PPARGC1A: variants seen among roughly 807,000 people sequenced by gnomAD.
The protein encoded by PPARGC1A is peroxisome proliferator-activated receptor gamma coactivator 1-alpha.
Under a neutral mutation model 88.7 loss-of-function variants are expected in PPARGC1A, and 25 were observed. The observed-to-expected ratio is 0.28, with a 90% CI of 0.21 to 0.39. The LOEUF is 0.39. PPARGC1A is among the 10% of genes least tolerant of loss of function. The pLI, the probability that PPARGC1A is intolerant of heterozygous loss-of-function variation, is 1.00. For synonymous variants in PPARGC1A, 363 were observed against 355.6 expected, an observed-to-expected ratio of 1.02 and a Z score of -0.24; for missense variants, 880 against 968.7, an observed-to-expected ratio of 0.91 and a Z score of 1.22.
chr4:24,091,928 T>TACGC, the PPARGC1A span, among the ~76,000 whole-genome samples: 9 of 147,750 alleles, frequency 6.1e-5, 1 homozygote, highest in Admixed American at 6.1e-4. Context: ...CTTGCCCCAA[T>TACGC]ACACACACAC....
the PPARGC1A span, among the ~76,000 whole-genome samples, chr4:24,277,431 C>A: frequency 6.6e-6 from 1 of 152,242 alleles, no homozygotes; most frequent in South Asian, 2.1e-4. Context: ...TGTCTCACTC[C>A]TCTTCTTGCC....
At chr4:24,295,944 G>A in the PPARGC1A span, among the ~76,000 whole-genome samples, 18 of 150,174 alleles carry the variant, frequency 1.2e-4, no homozygotes, top group South Asian at 2.3e-3. Context: ...CTGAGATGCC[G>A]GTATTATTTA....
At chr4:24,143,592 C>T in the PPARGC1A span, among the ~76,000 whole-genome samples, 1 of 151,162 alleles carries the variant, frequency 6.6e-6, no homozygotes, top group African/African-American at 2.5e-5. Context: ...ACATATTAGA[C>T]AGATAGATGG....
chr4:24,385,102 A>T, the PPARGC1A span, among the ~76,000 whole-genome samples: 19 of 152,344 alleles, frequency 1.2e-4, no homozygotes, highest in African/African-American at 4.6e-4. Flanking sequence ...AAACTGCACA[A>T]CTACATGGAA....
the PPARGC1A span, among the ~76,000 whole-genome samples, chr4:24,455,937 A>T: frequency 6.6e-6 from 1 of 152,208 alleles, no homozygotes; most frequent in African/African-American, 2.4e-5. Context: ...GAACTAAGAT[A>T]ATTATCTAGC....
chr4:23,954,640 G>A, the PPARGC1A span, among the ~76,000 whole-genome samples: 1 of 152,004 alleles, frequency 6.6e-6, no homozygotes, highest in Non-Finnish European at 1.5e-5. Context: ...GGCAAACTAA[G>A]ATGGAGAATA....
the PPARGC1A span, among the ~76,000 whole-genome samples, chr4:24,108,899 AT>A: frequency 2.0e-5 from 3 of 152,100 alleles, no homozygotes; most frequent in Non-Finnish European, 4.4e-5. Flanking sequence ...GAAGAGGAAG[AT>A]TTAAAATACT....
the PPARGC1A span, among the ~76,000 whole-genome samples, chr4:24,337,810 A>G: frequency 6.6e-6 from 1 of 152,170 alleles, no homozygotes; most frequent in Non-Finnish European, 1.5e-5. Flanking sequence ...GGACTCATCA[A>G]GGGTCTACCA....
At chr4:23,881,228 A>G (rs1577640927) in intron 2 of PPARGC1A, 2 of 152,296 alleles carry the variant, frequency 1.3e-5, no homozygotes, top group South Asian at 4.1e-4. Flanking sequence ...TTCCTTACAC[A>G]TGGATCAGAT....
chr4:24,429,280 AAC>A, the PPARGC1A span, among the ~76,000 whole-genome samples: 5 of 152,004 alleles, frequency 3.3e-5, no homozygotes, highest in East Asian at 5.8e-4. Flanking sequence ...ACACACATGC[AAC>A]ACACACACAC....
At chr4:24,386,518 T>C in the PPARGC1A span, among the ~76,000 whole-genome samples, 2 of 152,238 alleles carry the variant, frequency 1.3e-5, no homozygotes, top group Non-Finnish European at 1.5e-5. Context: ...AAAATCTCCT[T>C]AAGCTAATAA....
At chr4:23,844,124 T>A (rs1256316291) in intron 2 of PPARGC1A, among the ~76,000 whole-genome samples, 1 of 150,706 alleles carries the variant, frequency 6.6e-6, no homozygotes, top group African/African-American at 2.4e-5. Flanking sequence ...TGGCAGATAA[T>A]AATAGATTTT....
chr4:24,178,273 T>C, the PPARGC1A span, among the ~76,000 whole-genome samples: 11 of 152,290 alleles, frequency 7.2e-5, 1 homozygote, highest in Admixed American at 2.6e-4. Context: ...CATAGTACTT[T>C]TGTTAGAGGG....
intron 2 of PPARGC1A, among the ~76,000 whole-genome samples, chr4:23,866,743 G>A (rs1478031391): frequency 6.6e-6 from 1 of 151,966 alleles, no homozygotes; most frequent in African/African-American, 2.4e-5. Flanking sequence ...ACTGTAATAC[G>A]TTTCCATTTT....
the PPARGC1A span, among the ~76,000 whole-genome samples, chr4:24,294,627 A>G: frequency 6.6e-6 from 1 of 152,314 alleles, no homozygotes; most frequent in Middle Eastern, 3.4e-3. Flanking sequence ...GTAAAGAATT[A>G]TTAGCCTTTG....
At chr4:24,098,162 A>G in the PPARGC1A span, among the ~76,000 whole-genome samples, 1 of 152,224 alleles carries the variant, frequency 6.6e-6, no homozygotes, top group African/African-American at 2.4e-5. Flanking sequence ...CAGATTCTGT[A>G]CTCAGGTTGT....
chr4:24,061,659 T>C, the PPARGC1A span, among the ~76,000 whole-genome samples: 1 of 152,218 alleles, frequency 6.6e-6, no homozygotes, highest in African/African-American at 2.4e-5. Flanking sequence ...AGCTGTTGAC[T>C]CAGCTTGCTG....
the PPARGC1A span, among the ~76,000 whole-genome samples, chr4:24,062,786 A>G: frequency 1.3e-5 from 2 of 152,200 alleles, no homozygotes; most frequent in Admixed American, 6.5e-5. Flanking sequence ...TATACTACCA[A>G]TTCAAATAGT....
At chr4:23,811,446 A>T (rs1285827707) in intron 10 of PPARGC1A, among the ~76,000 whole-genome samples, 1 of 152,256 alleles carries the variant, frequency 6.6e-6, no homozygotes, top group Non-Finnish European at 1.5e-5. Flanking sequence ...GAATAAAAGC[A>T]GTGCTATATC....
Sources: allele counts gnomAD v4.1 joint callset (sites outside exome capture counted in the v4.1 genomes callset), GRCh38; gene constraint gnomAD v4.1.1; transcripts MANE v1.5; gene names NCBI Gene and HGNC (gene_info 2026-07-23, HGNC 2026-07-21).